MTFR1L: variants seen among roughly 807,000 people sequenced by gnomAD.
MTFR1L encodes the protein mitochondrial fission regulator 1 like, also known as mitochondrial fission regulator 1-like.
MTFR1L carries 10 observed loss-of-function variants against 27.9 expected under a neutral mutation model. The ratio of observed to expected loss-of-function variants is 0.36; its 90% confidence interval spans 0.22 to 0.61. The LOEUF (loss-of-function observed/expected upper bound fraction) is 0.61, where lower values mean the gene tolerates loss of function less well. MTFR1L is among the 20% of genes least tolerant of loss of function. The probability of loss-of-function intolerance (pLI) is 0.73; values close to 1 mark genes in which losing one functional copy is unlikely to be tolerated. For synonymous variants in MTFR1L, 151 were observed against 139.4 expected, an observed-to-expected ratio of 1.08 and a Z score of -0.58; for missense variants, 315 against 363.7, an observed-to-expected ratio of 0.87 and a Z score of 1.09.
intron 3 of MTFR1L, among the ~76,000 whole-genome samples, chr1:25,824,070 TC>T: frequency 6.6e-6 from 1 of 152,248 alleles, no homozygotes; most frequent in East Asian, 1.9e-4. Context: ...AGATGAGGTC[TC>T]CCTATGTTGC....
intron 1 of MTFR1L, 172 bp downstream of exon 1, chr1:25,820,201 G>T (rs986675719): frequency 4.4e-6 from 2 of 453,934 alleles, no homozygotes; most frequent in Non-Finnish European, 8.9e-6. Flanking sequence ...CTGAGTCCCC[G>T]AAGGGTAGTT....
intron 5 of MTFR1L, among the ~76,000 whole-genome samples, chr1:25,828,655 G>C (rs1262250945): frequency 1.3e-5 from 2 of 152,120 alleles, no homozygotes; most frequent in Non-Finnish European, 2.9e-5. Context: ...AGAACCACTG[G>C]AAATGGATGG....
chr1:25,826,833 GC>G lies in MTFR1L; in HGVS notation c.451+11del. The G allele has an allele frequency of 4.3e-6, 7 of 1,613,176 alleles. No individual in the cohort carries two copies. Among genetic ancestry groups the G allele is most frequent in the Non-Finnish European group, 4.2e-6 (5 of 1,179,860 alleles). On this transcript the variant is annotated splice_region_variant and intron_variant, in intron 5 of 6. Coordinates refer to ENST00000374303, the MANE Select transcript of MTFR1L (RefSeq NM_001099625.2). The surrounding 1 kb of genome is among the most constrained non-coding windows in gnomAD (Gnocchi z 4.1). ...ATAGTGGCAGCTGATGCAGGTAGGA[GC>G]CCCTGTGCCAGGGCCAGAACGTAAC...
intron 5 of MTFR1L, among the ~76,000 whole-genome samples, chr1:25,828,031 T>G (rs1274556642): frequency 3.9e-5 from 6 of 152,186 alleles, no homozygotes. Flanking sequence ...TGCTTTCCTT[T>G]TCAATACAAG....
chr1:25,824,358 C>T (rs747523485), intron 3 of MTFR1L, among the ~76,000 whole-genome samples: 1 of 152,166 alleles, frequency 6.6e-6, no homozygotes, highest in Admixed American at 6.5e-5. Context: ...TGGTAGAAAG[C>T]TAAGTAGCAT....
chr1:25,830,627 C>T (rs2048226542), intron 6 of MTFR1L, among the ~76,000 whole-genome samples: 1 of 152,174 alleles, frequency 6.6e-6, no homozygotes, highest in Admixed American at 6.5e-5. Context: ...GAGAGCCAGA[C>T]CTTGATGGCC....
In MTFR1L at chr1:25,822,734, G is replaced by A. The variant is rs535584739; in HGVS notation, c.-86-285G>A. On this transcript the variant is annotated intron_variant, in intron 1 of 6. Coordinates refer to ENST00000374303, the MANE Select transcript of MTFR1L (RefSeq NM_001099625.2). ...GTAGAGACAGGGCTTCACTGTGTTA[G>A]CCAGGATGGTCTCGCTCTCCTGACC... The A allele has an allele frequency of 2.2e-3, 1,140 of 529,464 alleles. 35 individuals carry two copies. In the South Asian group the frequency reaches 0.024, roughly 11 times the overall value. 32.8% of individuals were successfully genotyped at this position (529,464 alleles called of 1,614,324 possible). A position where few individuals can be genotyped will look rare whatever the true frequency, so the allele number is the denominator to read the frequency against.
intron 2 of MTFR1L, 107 bp from the exon 3 acceptor site, chr1:25,823,537 C>T: frequency 1.3e-6 from 2 of 1,517,940 alleles, no homozygotes; most frequent in Admixed American, 2.0e-5. Flanking sequence ...AGTGCCCTGT[C>T]CCTAGGTTTG....
At chr1:25,827,040 T>G (rs1466934637) in intron 5 of MTFR1L, among the ~76,000 whole-genome samples, 1 of 152,184 alleles carries the variant, frequency 6.6e-6, no homozygotes, top group Non-Finnish European at 1.5e-5. Flanking sequence ...GAACAAAATA[T>G]TAACCTGTGA....
Position 25,826,943 on chromosome 1 carries a change from G to A in MTFR1L, c.451+117G>A. ...TGGTTTGCAGGTACTTAGGTTCCGGGCCCTGGGGTTGTCCTGAAGCCTGGC... is the reference window on the plus strand; with the variant it reads ...TGGTTTGCAGGTACTTAGGTTCCGGACCCTGGGGTTGTCCTGAAGCCTGGC... On this transcript the variant is annotated intron_variant, in intron 5 of 6. Transcript: ENST00000374303. The surrounding 1 kb of genome is among the most constrained non-coding windows in gnomAD (Gnocchi z 4.1). 1 of 1,180,576 alleles carries A rather than the reference G, an allele frequency of 8.5e-7. No individual in the cohort carries two copies. The highest frequency in any genetic ancestry group is 2.3e-5 in the Admixed American group (1 of 43,864). 73.1% of individuals were successfully genotyped at this position (1,180,576 alleles called of 1,614,324 possible).
chr1:25,832,039 C>A lies in MTFR1L; in HGVS notation c.*13C>A. Reference sequence around the variant, plus strand: ...AAAAGGAAATTGACAACCCTCAGCTCTGCAAACTCAGTCTCATGCTCCTGG... The same window carrying A: ...AAAAGGAAATTGACAACCCTCAGCTATGCAAACTCAGTCTCATGCTCCTGG... On this transcript the variant is annotated 3_prime_UTR_variant, in exon 7 of 7. Transcript: ENST00000374303. 1.2e-6 allele frequency: 2 copies of A among 1,614,106 alleles called. No homozygotes were observed. Among genetic ancestry groups the A allele is most frequent in the Non-Finnish European group, 1.7e-6 (2 of 1,179,982 alleles).
Position 25,826,483 on chromosome 1 carries a change from G to C in MTFR1L, c.239+72G>C. The C allele has an allele frequency of 6.3e-7, 1 of 1,588,194 alleles. No homozygotes were observed. Among genetic ancestry groups the C allele is most frequent in the East Asian group, 2.2e-5 (1 of 44,724 alleles). ...GAAGAGGTGGCAGGCAGCAAGGAGA[G>C]AGGAATGAGAACTGTGGGCTCAGAG... is the stretch of plus-strand genomic sequence containing the variant. On this transcript the variant is annotated intron_variant, in intron 4 of 6. Coordinates refer to ENST00000374303, the MANE Select transcript of MTFR1L (RefSeq NM_001099625.2). This position sits in a 1 kb window ranked among gnomAD's most constrained non-coding sequence, Gnocchi z 4.1.
chr1:25,824,528 G>C (rs2048143555), intron 3 of MTFR1L, among the ~76,000 whole-genome samples: 1 of 152,156 alleles, frequency 6.6e-6, no homozygotes, highest in African/African-American at 2.4e-5. Context: ...GAAAGGATGT[G>C]GGCCCAGGTA....
At chr1:25,827,915 T>G (rs867810579) in intron 5 of MTFR1L, among the ~76,000 whole-genome samples, 1 of 150,468 alleles carries the variant, frequency 6.6e-6, no homozygotes, top group South Asian at 2.1e-4. Context: ...TTAGTAGAGA[T>G]AGGGTTTCGC....
At chr1:25,825,981 ATACCACCATACCCAGATAAT>A in intron 3 of MTFR1L, 1 of 275,626 alleles carries the variant, frequency 3.6e-6, no homozygotes, top group Non-Finnish European at 7.1e-6. Context: ...CTACAGGCGT[ATACCACCATACCCAGATAAT>A]TTTTGTATTT....
In MTFR1L at chr1:25,826,730, A is replaced by C; in HGVS notation, c.355A>C (p.Lys119Gln). 1.9e-6 allele frequency: 3 copies of C among 1,614,144 alleles called. No individual in the cohort carries two copies. Among genetic ancestry groups the C allele is most frequent in the Non-Finnish European group, 2.5e-6 (3 of 1,180,024 alleles). Residue 119 changes from lysine (K) to glutamine (Q), a missense_variant, in exon 5 of 7, where the codon AAG (lysine) becomes CAG (glutamine). Physicochemically the swap from Lys to Gln is moderately conservative, Grantham distance 53. Transcript: ENST00000374303. This position sits in a 1 kb window ranked among gnomAD's most constrained non-coding sequence, Gnocchi z 4.1. ...GSEERLLALK[K>Q]PALPALSRTT... ...CGAGGAGAGGCTTCTGGCCCTGAAGAAGCCAGCTCTGCCAGCCCTAAGCCG... is the reference window on the plus strand; with the variant it reads ...CGAGGAGAGGCTTCTGGCCCTGAAGCAGCCAGCTCTGCCAGCCCTAAGCCG...
intron 1 of MTFR1L, chr1:25,820,853 A>C: frequency 2.7e-6 from 1 of 377,262 alleles, no homozygotes; most frequent in Admixed American, 4.2e-5. Flanking sequence ...TCTCGCGAGG[A>C]CTCCGAGGGA....
intron 5 of MTFR1L, among the ~76,000 whole-genome samples, chr1:25,828,579 A>G (rs920493920): frequency 6.6e-6 from 1 of 151,754 alleles, no homozygotes; most frequent in Non-Finnish European, 1.5e-5. Context: ...AAAAAAAAAA[A>G]CAGTGGTCTA....
chr1:25,832,170 G>C lies in MTFR1L; in HGVS notation c.*144G>C, dbSNP rs2048253494. On this transcript the variant is annotated 3_prime_UTR_variant, in exon 7 of 7. Coordinates refer to ENST00000374303, the MANE Select transcript of MTFR1L (RefSeq NM_001099625.2). Reference sequence around the variant, plus strand: ...AGCTAGAGCTTGGACTGAAAGAGAAGAGCTGGATTATATATTTCCCAGACT... The same window carrying C: ...AGCTAGAGCTTGGACTGAAAGAGAACAGCTGGATTATATATTTCCCAGACT... 5 of 1,548,762 alleles carry C rather than the reference G, an allele frequency of 3.2e-6. No individual in the cohort carries two copies. In the African/African-American group the frequency reaches 5.5e-5, roughly 17 times the overall value.
Sources: gnomAD v4.1 joint callset for allele counts (sites outside exome capture counted in the v4.1 genomes callset) on GRCh38, gnomAD v4.1.1 for gene constraint, Gnocchi (gnomAD v3.1) non-coding constraint, MANE v1.5 for transcripts, NCBI Gene and HGNC (gene_info 2026-07-23, HGNC 2026-07-21) for gene names.